The following GLIS1 variants were observed in gnomAD, a reference collection of about 807,000 sequenced individuals.
GLIS1 encodes the protein GLIS family zinc finger 1, also known as zinc finger protein GLIS1.
GLIS1 carries 24 observed loss-of-function variants against 63.8 expected under a neutral mutation model. The ratio of observed to expected loss-of-function variants is 0.38; its 90% CI spans 0.27 to 0.53. GLIS1 has a LOEUF of 0.53. Ranked by LOEUF, GLIS1 falls within the 20% of genes least tolerant of loss-of-function variation. The pLI is 0.85. For synonymous variants in GLIS1, 450 were observed against 482.5 expected (o/e 0.93, Z 0.88); for missense variants, 1,036 against 1,074.1 (o/e 0.96, Z 0.50).
chr1:53,694,007 A>C (rs1413315472), intron 2 of GLIS1, among the ~76,000 whole-genome samples: 1 of 152,058 alleles, frequency 6.6e-6, no homozygotes, highest in Non-Finnish European at 1.5e-5. Context: ...TGGGCTCACG[A>C]AGAGGAGGAA....
chr1:53,631,551 G>A (rs1645652353), intron 2 of GLIS1, among the ~76,000 whole-genome samples: 1 of 152,206 alleles, frequency 6.6e-6, no homozygotes, highest in South Asian at 2.1e-4. Flanking sequence ...ATACAGCAGT[G>A]AATAAAACAG....
At chr1:53,687,704 G>C (rs1334424750) in intron 2 of GLIS1, among the ~76,000 whole-genome samples, 1 of 152,188 alleles carries the variant, frequency 6.6e-6, no homozygotes, top group Non-Finnish European at 1.5e-5. Context: ...ATAGCATCTA[G>C]CCACCTCCTT....
At chr1:53,577,237 G>A (rs1280066918) in intron 4 of GLIS1, among the ~76,000 whole-genome samples, 1 of 151,822 alleles carries the variant, frequency 6.6e-6, no homozygotes, top group African/African-American at 2.4e-5. Context: ...CCCTCTGGCT[G>A]ACACCTCCCT....
chr1:53,673,639 G>T (rs1304431979), intron 2 of GLIS1, among the ~76,000 whole-genome samples: 1 of 152,218 alleles, frequency 6.6e-6, no homozygotes, highest in African/African-American at 2.4e-5. Context: ...CCAGCTCAGG[G>T]CCTGAGACAG....
intron 2 of GLIS1, among the ~76,000 whole-genome samples, chr1:53,718,145 T>C (rs999666205): frequency 1.3e-5 from 2 of 152,252 alleles, no homozygotes; most frequent in Non-Finnish European, 2.9e-5. Context: ...AGCCTGGTTC[T>C]CTAGTCTTAT....
rs777727045 is a variant in GLIS1, at chr1:53,524,772, C to G, written c.1593+5G>C. 1 of 1,610,416 alleles carries G rather than the reference C, an allele frequency of 6.2e-7. No homozygotes were observed. Among genetic ancestry groups the G allele is most frequent in the Non-Finnish European group, 8.5e-7 (1 of 1,177,328 alleles). Reference sequence around the variant, plus strand: ...GAGGAGGCCAGATGAGGAGGGCTGGCTTACCTTCTTACGCACCTGCTGCTC... The same window carrying G: ...GAGGAGGCCAGATGAGGAGGGCTGGGTTACCTTCTTACGCACCTGCTGCTC... On this transcript the variant is annotated splice_donor_5th_base_variant and intron_variant, in intron 6 of 10. Transcript: ENST00000628545.
At chr1:53,568,111 G>A (rs1218018202) in intron 4 of GLIS1, among the ~76,000 whole-genome samples, 1 of 152,200 alleles carries the variant, frequency 6.6e-6, no homozygotes, top group Non-Finnish European at 1.5e-5. Context: ...CAGCCGCGGG[G>A]GCTGTACTCT....
intron 10 of GLIS1, 123 bp from the exon 11 acceptor site, chr1:53,506,899 G>C (rs1470097025): frequency 2.0e-6 from 2 of 1,016,232 alleles, no homozygotes; most frequent in African/African-American, 3.2e-5. Flanking sequence ...CCGTCGGTGG[G>C]GCCTGCTTGG....
At chr1:53,637,180 C>T (rs1400527498) in intron 2 of GLIS1, among the ~76,000 whole-genome samples, 1 of 152,126 alleles carries the variant, frequency 6.6e-6, no homozygotes, top group African/African-American at 2.4e-5. Flanking sequence ...CTAGCTCCCC[C>T]CGGCAGGCTG....
At chr1:53,702,137 A>G (rs148259316) in intron 2 of GLIS1, among the ~76,000 whole-genome samples, 1 of 151,884 alleles carries the variant, frequency 6.6e-6, no homozygotes, top group Non-Finnish European at 1.5e-5. Flanking sequence ...CATGTAGGTG[A>G]CTTTGATGGC....
At position 53,506,709 on chromosome 1, in the gene GLIS1, C is replaced by T. The variant is rs761731590; in HGVS notation, c.2298G>A (p.Val766=). 5.6e-6 allele frequency: 9 copies of T among 1,613,318 alleles called. No individual in the cohort carries two copies. The South Asian group carries it at 9.9e-5, about 18-fold the overall frequency. ...AGCCACAGTCCTCGGGGCCGCTGGA[C>T]ACCACATCTTCAGATGGCTGCTGTG... ...ALPQQPSEDV[V]SSGPEDCGFF... Residue 766 remains valine, a synonymous_variant, in exon 11 of 11, where the codon GTG becomes GTA. Coordinates refer to ENST00000628545, the MANE Select transcript of GLIS1 (RefSeq NM_001367484.1).
intron 2 of GLIS1, among the ~76,000 whole-genome samples, chr1:53,718,699 C>A (rs1420891714): frequency 6.6e-6 from 1 of 152,100 alleles, no homozygotes; most frequent in African/African-American, 2.4e-5. Flanking sequence ...CCCATCCCCA[C>A]CCCCTACTCC....
intron 2 of GLIS1, among the ~76,000 whole-genome samples, chr1:53,660,094 C>T (rs1646010072): frequency 6.6e-6 from 1 of 152,200 alleles, no homozygotes; most frequent in South Asian, 2.1e-4. Flanking sequence ...TGGGCTTTCC[C>T]AGACATTCTC....
chr1:53,545,031 A>G (rs1644683905), intron 4 of GLIS1, among the ~76,000 whole-genome samples: 1 of 152,190 alleles, frequency 6.6e-6, no homozygotes, highest in African/African-American at 2.4e-5. Context: ...CTGGATCCTT[A>G]GGGCAGGCTC....
rs368721720 is a variant in GLIS1, at chr1:53,639,535, CA to C, written c.260-39258del. Reference sequence around the variant, plus strand: ...GAACCCTGGCCCTTTTCTGTGGTTGCAGCGAAACCAGACTCTCAGGTGATTC... The same window carrying C: ...GAACCCTGGCCCTTTTCTGTGGTTGCGCGAAACCAGACTCTCAGGTGATTC... On this transcript the variant is annotated intron_variant, in intron 2 of 10. Transcript: ENST00000628545. The surrounding 1 kb of genome is among the most constrained non-coding windows in gnomAD (Gnocchi z 4.6). 2.6e-3 allele frequency among the ~76,000 whole-genome samples: 397 copies of C among 152,240 alleles called. 2 individuals are homozygous for C. The highest frequency in any genetic ancestry group is 9.1e-3 in the African/African-American group (377 of 41,532).
intron 4 of GLIS1, among the ~76,000 whole-genome samples, chr1:53,556,388 A>AGG (rs1569821097): frequency 8.2e-6 from 1 of 122,356 alleles, no homozygotes; most frequent in African/African-American, 3.2e-5. Context: ...GGTGTACTGC[A>AGG]GGTGTGTGTG....
At chr1:53,706,277 C>G (rs561287508) in intron 2 of GLIS1, among the ~76,000 whole-genome samples, 1 of 152,314 alleles carries the variant, frequency 6.6e-6, no homozygotes, top group South Asian at 2.1e-4. Context: ...GATTCCCCTT[C>G]AAGATGGTAA....
intron 2 of GLIS1, among the ~76,000 whole-genome samples, chr1:53,633,215 GTGAA>G (rs1363330269): frequency 3.3e-5 from 5 of 149,428 alleles, no homozygotes; most frequent in Admixed American, 6.7e-5. Context: ...ACTGAGGAGT[GTGAA>G]TGAGTGTGAC....
At chr1:53,732,191 C>G (rs192238735) in intron 2 of GLIS1, among the ~76,000 whole-genome samples, 13 of 152,336 alleles carry the variant, frequency 8.5e-5, no homozygotes, top group Non-Finnish European at 1.6e-4. Context: ...CCTCGATCCA[C>G]CGGAAACCTA....
Sources: gnomAD v4.1 joint callset for allele counts (sites outside exome capture counted in the v4.1 genomes callset) on GRCh38, gnomAD v4.1.1 for gene constraint, Gnocchi (gnomAD v3.1) non-coding constraint, MANE v1.5 for transcripts, NCBI Gene and HGNC (gene_info 2026-07-23, HGNC 2026-07-21) for gene names.